PAK1: variants seen among roughly 807,000 people sequenced by gnomAD.
The protein encoded by PAK1 is serine/threonine-protein kinase PAK 1.
A neutral mutation model predicts 67.4 loss-of-function variants in PAK1; 29 were observed. That is an observed-to-expected ratio of 0.43 (90% CI 0.32 to 0.59). The LOEUF is 0.59. PAK1 is among the 20% of genes least tolerant of loss of function. The probability of loss-of-function intolerance (pLI) is 0.07; values close to 1 mark genes in which losing one functional copy is unlikely to be tolerated. For synonymous variants in PAK1, 223 were observed against 237.4 expected (o/e 0.94, Z 0.56); for missense variants, 337 against 670.7 (o/e 0.50, Z 5.50).
intron 1 of PAK1, among the ~76,000 whole-genome samples, chr11:77,415,776 G>A (rs999130099): frequency 2.0e-5 from 3 of 151,960 alleles, no homozygotes; most frequent in East Asian, 3.9e-4. Flanking sequence ...GTATGTTTAC[G>A]CTGCACTAAA....
At chr11:77,354,028 G>C (rs939022933) in intron 7 of PAK1, among the ~76,000 whole-genome samples, 2 of 151,870 alleles carry the variant, frequency 1.3e-5, no homozygotes, top group African/African-American at 4.8e-5. Context: ...AAAGCCAAAG[G>C]GGTACAGAAA....
chr11:77,465,262 T>G (rs1281770652), intron 1 of PAK1, among the ~76,000 whole-genome samples: 1 of 152,144 alleles, frequency 6.6e-6, no homozygotes, highest in African/African-American at 2.4e-5. Flanking sequence ...GTGACCAGAT[T>G]TGGAGACAGA....
intron 1 of PAK1, among the ~76,000 whole-genome samples, chr11:77,407,677 G>T (rs987237807): frequency 6.6e-6 from 1 of 152,200 alleles, no homozygotes; most frequent in African/African-American, 2.4e-5. Context: ...AAGCGAAAAT[G>T]CCTAGCCTAG....
chr11:77,335,953 A>G (rs761185585), intron 13 of PAK1, 133 bp downstream of exon 13: 4 of 501,016 alleles, frequency 8.0e-6, no homozygotes, highest in Non-Finnish European at 1.4e-5. Flanking sequence ...TTATACTTTA[A>G]GTTCAACAGT....
At chr11:77,410,766 T>C (rs1954397117) in intron 1 of PAK1, among the ~76,000 whole-genome samples, 1 of 151,362 alleles carries the variant, frequency 6.6e-6, no homozygotes. Context: ...CGTAGAGTCA[T>C]GAAAAAACTA....
chr11:77,512,353 C>G, the PAK1 span, among the ~76,000 whole-genome samples: 6 of 150,568 alleles, frequency 4.0e-5, no homozygotes, highest in Non-Finnish European at 8.9e-5. Context: ...CTCCTTCTAC[C>G]CCAGTATGTG....
At chr11:77,417,249 A>G (rs1955014296) in intron 1 of PAK1, among the ~76,000 whole-genome samples, 1 of 152,226 alleles carries the variant, frequency 6.6e-6, no homozygotes. Flanking sequence ...ATCCTTCAAG[A>G]CTGAATGAAT....
the PAK1 span, among the ~76,000 whole-genome samples, chr11:77,497,465 A>G: frequency 6.6e-5 from 10 of 152,324 alleles, no homozygotes; most frequent in African/African-American, 2.2e-4. Flanking sequence ...CTTAGAAGGA[A>G]AGTGACTCAC....
At chr11:77,398,722 G>A (rs867854613) in intron 1 of PAK1, among the ~76,000 whole-genome samples, 1 of 152,122 alleles carries the variant, frequency 6.6e-6, no homozygotes, top group Non-Finnish European at 1.5e-5. Flanking sequence ...TGGATCATAC[G>A]ATAGGTCTAT....
chr11:77,332,805 A>G lies in PAK1; in HGVS notation c.1476T>C (p.Ala492=), dbSNP rs780945411. 1.9e-6 allele frequency: 3 copies of G among 1,613,050 alleles called. No individual in the cohort carries two copies. The African/African-American group carries it at 4.0e-5, about 22-fold the overall frequency. Residue 492 remains alanine (A), a synonymous_variant, in exon 14 of 15, where the codon GCT becomes GCC. Coordinates refer to ENST00000356341, the MANE Select transcript of PAK1 (RefSeq NM_002576.5). ...AGCGGTTCAGAAAGTCCCGGAAGAT[A>G]GCTGACAGCTTCTCTGGGTTCTGAA... ...PELQNPEKLS[A]IFRDFLNRCL...
chr11:77,324,897 T>C (rs1939418742), intron 14 of PAK1, among the ~76,000 whole-genome samples: 1 of 152,140 alleles, frequency 6.6e-6, no homozygotes, highest in South Asian at 2.1e-4. Flanking sequence ...AAAGAGCTAC[T>C]GAGAACAAGA....
the PAK1 span, among the ~76,000 whole-genome samples, chr11:77,513,853 C>T: frequency 6.4e-4 from 98 of 152,180 alleles, no homozygotes; most frequent in African/African-American, 2.2e-3. Context: ...TCTCTATATT[C>T]CCACCTACTT....
At chr11:77,515,403 T>C in the PAK1 span, among the ~76,000 whole-genome samples, 120 of 152,352 alleles carry the variant, frequency 7.9e-4, no homozygotes, top group South Asian at 1.2e-3. Flanking sequence ...TTAGCTGATA[T>C]GTTTTCCCTG....
intron 14 of PAK1, among the ~76,000 whole-genome samples, chr11:77,324,216 A>T (rs1024444271): frequency 3.0e-5 from 4 of 132,222 alleles, no homozygotes; most frequent in Non-Finnish European, 6.1e-5. Flanking sequence ...TCTGTTGCCC[A>T]GGCTGGAGTG....
intron 1 of PAK1, among the ~76,000 whole-genome samples, chr11:77,405,956 G>A (rs753823288): frequency 1.8e-4 from 28 of 152,010 alleles, no homozygotes; most frequent in Non-Finnish European, 2.4e-4. Flanking sequence ...AGCATTAAAC[G>A]CAATTGACCT....
chr11:77,499,618 G>C, the PAK1 span, among the ~76,000 whole-genome samples: 1 of 152,128 alleles, frequency 6.6e-6, no homozygotes, highest in Admixed American at 6.5e-5. Context: ...AGAGGAAGTA[G>C]GTACTGCCTC....
intron 1 of PAK1, among the ~76,000 whole-genome samples, chr11:77,413,120 T>C (rs1954733167): frequency 6.6e-6 from 1 of 152,204 alleles, no homozygotes. Flanking sequence ...GCGGTGTCTC[T>C]TTCGGGTCAT....
At chr11:77,350,499 A>G (rs530885311) in intron 8 of PAK1, among the ~76,000 whole-genome samples, 1 of 152,358 alleles carries the variant, frequency 6.6e-6, no homozygotes, top group Admixed American at 6.5e-5. Flanking sequence ...TTTTATGCTT[A>G]AGACCATAAA....
the PAK1 span, among the ~76,000 whole-genome samples, chr11:77,483,298 T>A: frequency 7.9e-5 from 12 of 151,728 alleles, no homozygotes; most frequent in South Asian, 2.1e-4. Context: ...GATAACGGCA[T>A]GTTCGTAATC....
Sources: gnomAD v4.1 joint callset for allele counts (sites outside exome capture counted in the v4.1 genomes callset) on GRCh38, gnomAD v4.1.1 for gene constraint, MANE v1.5 for transcripts, NCBI Gene and HGNC (gene_info 2026-07-23, HGNC 2026-07-21) for gene names.